The following ASTN2 variants were observed in gnomAD, a reference collection of about 807,000 sequenced individuals.
ASTN2 encodes astrotactin 2.
In ASTN2, 54 loss-of-function variants were observed where a neutral mutation model predicts 139.8. The observed-to-expected ratio is 0.39, with a 90% CI of 0.31 to 0.48. ASTN2 has a LOEUF of 0.48. Among genes scored for constraint, ASTN2 ranks in the 20% least tolerant of loss-of-function variants. The pLI is 0.95. For missense variants in ASTN2, 1,565 were observed against 1,725.1 expected, an observed-to-expected ratio of 0.91 and a Z score of 1.64; for synonymous variants, 756 against 719.5, an observed-to-expected ratio of 1.05 and a Z score of -0.81.
chr9:117,040,024 G>A (rs2132648032), intron 5 of ASTN2, 59 bp from the exon 6 acceptor site: 2 of 1,489,660 alleles, frequency 1.3e-6, no homozygotes, highest in Admixed American at 2.2e-5. Context: ...AATGGGATTG[G>A]CATCAAGTTT....
chr9:116,944,180 C>T lies in ASTN2; in HGVS notation c.1889+31028G>A, dbSNP rs115162855. 5.4e-3 allele frequency among the ~76,000 whole-genome samples: 822 copies of T among 151,942 alleles called. 10 individuals carry two copies. Among genetic ancestry groups the T allele is most frequent in the African/African-American group, 0.019 (792 of 41,424 alleles). On this transcript the variant is annotated intron_variant, in intron 10 of 22. Coordinates refer to ENST00000313400, the MANE Select transcript of ASTN2 (RefSeq NM_001365068.1). Reference sequence around the variant, plus strand: ...GAAAATGATTAAGCAAAATGCCCAGCGTCTTAATATGAGTAGGTAGCAGAG... The same window carrying T: ...GAAAATGATTAAGCAAAATGCCCAGTGTCTTAATATGAGTAGGTAGCAGAG...
chr9:117,118,977 A>G (rs1244929868), intron 4 of ASTN2, among the ~76,000 whole-genome samples: 1 of 152,138 alleles, frequency 6.6e-6, no homozygotes, highest in Non-Finnish European at 1.5e-5. Flanking sequence ...ATGATGTCAT[A>G]TCTACGTTTA....
At chr9:117,045,221 G>A (rs1220523896) in intron 5 of ASTN2, among the ~76,000 whole-genome samples, 1 of 145,310 alleles carries the variant, frequency 6.9e-6, no homozygotes, top group African/African-American at 2.6e-5. Context: ...TTTCAGAGCT[G>A]ATGTGAGGAC....
At chr9:117,312,231 G>T (rs926969145) in intron 1 of ASTN2, among the ~76,000 whole-genome samples, 2 of 152,116 alleles carry the variant, frequency 1.3e-5, no homozygotes, top group African/African-American at 4.8e-5. Flanking sequence ...CACCTATGCT[G>T]GTTAAGAGGA....
At chr9:117,100,180 G>C (rs575513989) in intron 4 of ASTN2, among the ~76,000 whole-genome samples, 1 of 152,324 alleles carries the variant, frequency 6.6e-6, no homozygotes, top group South Asian at 2.1e-4. Context: ...TCCAGGCACA[G>C]TGACCACACC....
intron 10 of ASTN2, among the ~76,000 whole-genome samples, chr9:116,949,236 T>C (rs1279250139): frequency 1.3e-5 from 2 of 152,202 alleles, no homozygotes; most frequent in Non-Finnish European, 1.5e-5. Flanking sequence ...AAAATGCTCC[T>C]GAGCTTGGTG....
At chr9:116,546,956 T>G (rs1048200059) in intron 19 of ASTN2, among the ~76,000 whole-genome samples, 2 of 152,230 alleles carry the variant, frequency 1.3e-5, no homozygotes, top group African/African-American at 4.8e-5. Flanking sequence ...TATGAGAGTG[T>G]CTGCAGGCAC....
chr9:117,080,909 C>T lies in ASTN2; in HGVS notation c.1276+15135G>A, dbSNP rs149632947. Among the ~76,000 whole-genome samples the T allele has an allele frequency of 5.0e-3, 760 of 152,244 alleles. 5 individuals carry two copies. The highest frequency in any genetic ancestry group is 0.015 in the African/African-American group (634 of 41,544). On this transcript the variant is annotated intron_variant, in intron 5 of 22. Transcript: ENST00000313400. ...TGAATAAAAGCATAAAATTTCAGAGCTTTAAGAGGCCTCTGATGCAATTTC... is the reference window on the plus strand; with the variant it reads ...TGAATAAAAGCATAAAATTTCAGAGTTTTAAGAGGCCTCTGATGCAATTTC...
intron 7 of ASTN2, among the ~76,000 whole-genome samples, chr9:116,994,295 C>CA (rs1430166043): frequency 2.0e-5 from 3 of 151,972 alleles, no homozygotes; most frequent in Non-Finnish European, 4.4e-5. Flanking sequence ...AACTAATTTA[C>CA]AAAAAAACAG....
intron 5 of ASTN2, among the ~76,000 whole-genome samples, chr9:117,074,790 T>C (rs1392755024): frequency 6.6e-6 from 1 of 152,200 alleles, no homozygotes; most frequent in Non-Finnish European, 1.5e-5. Context: ...CACATACATA[T>C]GTATATGCAT....
intron 16 of ASTN2, among the ~76,000 whole-genome samples, chr9:116,681,384 C>G (rs1198880201): frequency 5.3e-5 from 8 of 152,136 alleles, no homozygotes; most frequent in Admixed American, 3.9e-4. Context: ...AGGATACAAA[C>G]AAATGGAAGA....
intron 7 of ASTN2, among the ~76,000 whole-genome samples, chr9:117,004,296 T>C (rs374181909): frequency 6.6e-6 from 1 of 152,058 alleles, no homozygotes; most frequent in Non-Finnish European, 1.5e-5. Flanking sequence ...ATTTTCGTAT[T>C]TTTTTGTAGA....
At chr9:116,501,072 G>A (rs1849837107) in intron 19 of ASTN2, among the ~76,000 whole-genome samples, 1 of 152,108 alleles carries the variant, frequency 6.6e-6, no homozygotes, top group South Asian at 2.1e-4. Flanking sequence ...TTAACTAATA[G>A]CTGGGATATC....
At chr9:116,463,084 A>T (rs1848541950) in intron 20 of ASTN2, among the ~76,000 whole-genome samples, 2 of 151,888 alleles carry the variant, frequency 1.3e-5, no homozygotes, top group Non-Finnish European at 2.9e-5. Flanking sequence ...TCCCATATTC[A>T]ATCAGTTTCC....
chr9:117,376,208 AC>A (rs1330736542), intron 1 of ASTN2, among the ~76,000 whole-genome samples: 1 of 152,158 alleles, frequency 6.6e-6, no homozygotes, highest in African/African-American at 2.4e-5. Context: ...TGTAGTAGAA[AC>A]CCTAATAAGC....
intron 3 of ASTN2, among the ~76,000 whole-genome samples, chr9:117,145,752 A>G (rs1830180009): frequency 6.6e-6 from 1 of 152,138 alleles, no homozygotes; most frequent in African/African-American, 2.4e-5. Context: ...TTCTTTTTAA[A>G]AAAATCCCAT....
intron 10 of ASTN2, among the ~76,000 whole-genome samples, chr9:116,902,853 T>C (rs917983929): frequency 3.9e-5 from 6 of 152,178 alleles, no homozygotes; most frequent in Admixed American, 3.9e-4. Flanking sequence ...AGTAAATGTT[T>C]TTTTACTTCT....
At chr9:116,502,710 GGAAGGAAGGAAGGAAGGAAGGAATGAAT>G (rs1379660038) in intron 19 of ASTN2, among the ~76,000 whole-genome samples, 595 of 45,618 alleles carry the variant, frequency 0.013, 10 homozygotes, top group Admixed American at 0.039. Context: ...AAGGAAGGAA[GGAAGGAAGGAAGGAAGGAAGGAATGAAT>G]GAATGAATGA....
At chr9:116,445,959 A>C (rs1212043448) in intron 20 of ASTN2, among the ~76,000 whole-genome samples, 1 of 152,174 alleles carries the variant, frequency 6.6e-6, no homozygotes, top group Non-Finnish European at 1.5e-5. Flanking sequence ...CAAAAGTCAC[A>C]AGGCCATGCG....
Sources: gnomAD v4.1 joint callset for allele counts (sites outside exome capture counted in the v4.1 genomes callset) on GRCh38, gnomAD v4.1.1 for gene constraint, MANE v1.5 for transcripts, NCBI Gene and HGNC (gene_info 2026-07-23, HGNC 2026-07-21) for gene names.